Variants in GRIA2 observed in about 807,000 individuals in gnomAD.
The protein encoded by GRIA2 is glutamate receptor 2.
Under a neutral mutation model 97.3 loss-of-function variants are expected in GRIA2, and 14 were observed. The observed-to-expected ratio is 0.14, with a 90% CI of 0.10 to 0.23. GRIA2 has a LOEUF of 0.23. Among genes scored for constraint, GRIA2 ranks in the 10% least tolerant of loss-of-function variants. The pLI, the probability that GRIA2 is intolerant of heterozygous loss-of-function variation, is 1.00. For missense variants in GRIA2, 558 were observed against 1,069.8 expected, an observed-to-expected ratio of 0.52 and a Z score of 6.67; for synonymous variants, 412 against 387.8, an observed-to-expected ratio of 1.06 and a Z score of -0.73.
At chr4:157,276,821 T>C (rs1374764350) in intron 2 of GRIA2, among the ~76,000 whole-genome samples, 1 of 151,916 alleles carries the variant, frequency 6.6e-6, no homozygotes, top group Non-Finnish European at 1.5e-5. Flanking sequence ...TAAATTCCAA[T>C]GTAAATTCCT....
intron 3 of GRIA2, among the ~76,000 whole-genome samples, chr4:157,311,830 A>G (rs1225271921): frequency 6.6e-6 from 1 of 152,004 alleles, no homozygotes; most frequent in Non-Finnish European, 1.5e-5. Context: ...TTTATGTAGC[A>G]TGTCTCCAAG....
intron 2 of GRIA2, among the ~76,000 whole-genome samples, chr4:157,277,814 CTA>C (rs1180739682): frequency 1.6e-4 from 14 of 89,536 alleles, no homozygotes; most frequent in African/African-American, 4.6e-4. Context: ...AATATGTATG[CTA>C]TATATATATG....
intron 2 of GRIA2, among the ~76,000 whole-genome samples, chr4:157,273,053 A>G (rs1223866675): frequency 6.6e-6 from 1 of 152,104 alleles, no homozygotes; most frequent in Admixed American, 6.6e-5. Flanking sequence ...AAAAGAGAGA[A>G]ACCAACAATA....
chr4:157,271,675 G>T (rs564908353), intron 2 of GRIA2, among the ~76,000 whole-genome samples: 3 of 152,140 alleles, frequency 2.0e-5, no homozygotes, highest in South Asian at 4.2e-4. Flanking sequence ...ATTGGTGATC[G>T]ACTTAGTCTT....
chr4:157,302,187 A>C (rs533931457), intron 2 of GRIA2, among the ~76,000 whole-genome samples: 1 of 152,114 alleles, frequency 6.6e-6, no homozygotes, highest in Non-Finnish European at 1.5e-5. Context: ...AAAAAAAAAA[A>C]AAAAAAAAGA....
At chr4:157,239,616 T>C (rs1469423758) in intron 2 of GRIA2, among the ~76,000 whole-genome samples, 10 of 152,126 alleles carry the variant, frequency 6.6e-5, no homozygotes, top group Admixed American at 6.6e-4. Flanking sequence ...TCTTACTTTA[T>C]GAATTGATGA....
At chr4:157,265,480 C>T (rs1177913579) in intron 2 of GRIA2, among the ~76,000 whole-genome samples, 1 of 152,082 alleles carries the variant, frequency 6.6e-6, no homozygotes, top group African/African-American at 2.4e-5. Context: ...ATGATGACTG[C>T]ATTCTAAGGA....
intron 2 of GRIA2, among the ~76,000 whole-genome samples, chr4:157,253,248 C>G (rs1327564863): frequency 6.6e-6 from 1 of 151,872 alleles, no homozygotes; most frequent in Non-Finnish European, 1.5e-5. Context: ...TCCCAAGTAG[C>G]TGGGATCACA....
chr4:157,222,021 G>A (rs1474697612), intron 2 of GRIA2, among the ~76,000 whole-genome samples: 2 of 152,088 alleles, frequency 1.3e-5, no homozygotes, highest in African/African-American at 4.8e-5. Flanking sequence ...AAGAGAGAGG[G>A]AAAGGACGTC....
chr4:157,292,396 A>G (rs1733146568), intron 2 of GRIA2, among the ~76,000 whole-genome samples: 1 of 152,076 alleles, frequency 6.6e-6, no homozygotes, highest in Non-Finnish European at 1.5e-5. Flanking sequence ...AGATATTAAT[A>G]TTAGAAGAAT....
At chr4:157,256,452 T>G (rs1035563105) in intron 2 of GRIA2, among the ~76,000 whole-genome samples, 1 of 150,786 alleles carries the variant, frequency 6.6e-6, no homozygotes, top group Non-Finnish European at 1.5e-5. Flanking sequence ...ACACATAACT[T>G]GAATAAGCTC....
intron 3 of GRIA2, among the ~76,000 whole-genome samples, chr4:157,309,349 GTTT>G (rs747461041): frequency 7.7e-6 from 1 of 130,700 alleles, no homozygotes. Context: ...AAATTTCTTG[GTTT>G]TTTTTTTTTT....
intron 9 of GRIA2, 75 bp from the exon 10 acceptor site, chr4:157,335,596 A>C: frequency 2.3e-6 from 2 of 880,628 alleles, no homozygotes; most frequent in Non-Finnish European, 3.8e-6. Flanking sequence ...TAATTAAACC[A>C]GAAGATTTGA....
At chr4:157,348,057 A>G (rs956687445) in intron 12 of GRIA2, among the ~76,000 whole-genome samples, 3 of 152,032 alleles carry the variant, frequency 2.0e-5, no homozygotes, top group Admixed American at 6.6e-5. Context: ...TGGAGGTTGC[A>G]GTGAGCCGGG....
chr4:157,312,577 CA>C, intron 3 of GRIA2, 101 bp from the exon 4 acceptor site: 1 of 629,088 alleles, frequency 1.6e-6, no homozygotes, highest in South Asian at 3.0e-5. Context: ...TTTAGTTGCA[CA>C]AATATATCTT....
At chr4:157,269,331 T>A (rs115231739) in intron 2 of GRIA2, among the ~76,000 whole-genome samples, 46 of 152,198 alleles carry the variant, frequency 3.0e-4, no homozygotes, top group African/African-American at 9.9e-4. Flanking sequence ...ATAGAAATTA[T>A]CATAGTTGTT....
chr4:157,360,916 C>A, intron 13 of GRIA2, 94 bp from the exon 14 acceptor site: 1 of 875,210 alleles, frequency 1.1e-6, no homozygotes, highest in South Asian at 1.5e-5. Context: ...ACAAGAGTTG[C>A]CACAGAAGCC....
At chr4:157,267,031 T>C (rs1239929917) in intron 2 of GRIA2, among the ~76,000 whole-genome samples, 1 of 151,946 alleles carries the variant, frequency 6.6e-6, no homozygotes, top group African/African-American at 2.4e-5. Flanking sequence ...TGAGCTGTGA[T>C]TGTGTCACTG....
chr4:157,348,333 C>A, intron 12 of GRIA2, among the ~76,000 whole-genome samples: 1 of 151,926 alleles, frequency 6.6e-6, no homozygotes, highest in East Asian at 1.9e-4. Flanking sequence ...CTCGCTGCAA[C>A]CTCAACCTCC....
Sources: allele counts gnomAD v4.1 joint callset (sites outside exome capture counted in the v4.1 genomes callset), GRCh38; gene constraint gnomAD v4.1.1; transcripts MANE v1.5; gene names NCBI Gene and HGNC (gene_info 2026-07-23, HGNC 2026-07-21).